Variants in USP25 observed in about 807,000 individuals in gnomAD.
The protein encoded by USP25 is ubiquitin carboxyl-terminal hydrolase 25.
Under a neutral mutation model 158.5 loss-of-function variants are expected in USP25, and 85 were observed. The observed-to-expected ratio is 0.54, with a 90% CI of 0.45 to 0.64. The LOEUF (loss-of-function observed/expected upper bound fraction) is 0.64, where lower values mean the gene tolerates loss of function less well. USP25 is among the 30% of genes least tolerant of loss of function. The pLI is 0.00. For missense variants in USP25, 1,242 were observed against 1,327.3 expected (o/e 0.94, Z 1.00); for synonymous variants, 464 against 460.4 (o/e 1.01, Z -0.10).
In USP25 at chr21:15,864,031, CTT is replaced by C. The variant is rs369749565; in HGVS notation, c.2548-216_2548-215del. 3.1e-3 allele frequency among the ~76,000 whole-genome samples: 265 copies of C among 85,608 alleles called. 1 individual carries two copies. The highest frequency in any genetic ancestry group is 9.2e-3 in the African/African-American group (226 of 24,438). The allele number at this position is 85,608 out of a possible 152,430, so 56.2% of individuals were successfully genotyped here. On this transcript the variant is annotated intron_variant, in intron 20 of 25. Coordinates refer to ENST00000400183, the MANE Select transcript of USP25 (RefSeq NM_001283041.3). ...CATCCTGGGGGAGAGTGGGAGACTT[CTT>C]TTTTTTTTTTTTTTTTTTTTAAAAG...
rs566061228 is a variant in USP25 at position 15,730,361 on chromosome 21, ACCGCCGCCG to A, written c.-16_-8del. The A allele has an allele frequency of 1.8e-4, 218 of 1,181,074 alleles. No individual in the cohort carries two copies. In the South Asian group the frequency reaches 1.9e-3, roughly 10 times the overall value. The allele number at this position is 1,181,074 out of a possible 1,614,324, so 73.2% of individuals were successfully genotyped here. ...GCGGAGGCGCGAGGAGCCGGGCGCC[ACCGCCGCCG>A]CCGCCGCCGCCGCCGCGGGGGCCAT... On this transcript the variant is annotated 5_prime_UTR_variant, in exon 1 of 26. Coordinates refer to ENST00000400183, the MANE Select transcript of USP25 (RefSeq NM_001283041.3).
At position 15,875,626 on chromosome 21, in the gene USP25, C is replaced by T. The variant is rs1383893807; in HGVS notation, c.3009+1100C>T. Reference sequence around the variant, plus strand: ...GAAGAACCTTAAGAGACAAGGTAAACCTCGTCTGGATCTTGATGGATAAAT... The same window carrying T: ...GAAGAACCTTAAGAGACAAGGTAAATCTCGTCTGGATCTTGATGGATAAAT... On this transcript the variant is annotated intron_variant, in intron 24 of 25. Transcript: ENST00000400183. This position sits in a 1 kb window ranked among gnomAD's most constrained non-coding sequence, Gnocchi z 4.7. 1.3e-5 allele frequency among the ~76,000 whole-genome samples: 2 copies of T among 152,086 alleles called. No individual in the cohort carries two copies.
intron 3 of USP25, among the ~76,000 whole-genome samples, chr21:15,777,487 G>C (rs2123498937): frequency 6.6e-6 from 1 of 152,242 alleles, no homozygotes; most frequent in South Asian, 2.1e-4. Flanking sequence ...ATTTGATAAT[G>C]TCTAGATGGT....
chr21:15,823,365 G>T (rs2037331883), intron 10 of USP25, among the ~76,000 whole-genome samples: 1 of 151,908 alleles, frequency 6.6e-6, no homozygotes, highest in African/African-American at 2.4e-5. Flanking sequence ...AGGGGCTGGG[G>T]GTAGGGGAAG....
intron 4 of USP25, among the ~76,000 whole-genome samples, chr21:15,788,785 C>G (rs2035435240): frequency 6.6e-6 from 1 of 152,010 alleles, no homozygotes; most frequent in Non-Finnish European, 1.5e-5. Context: ...AAAACCCATA[C>G]TTTTGTTAAC....
intron 20 of USP25, among the ~76,000 whole-genome samples, chr21:15,855,326 C>T (rs2039082816): frequency 6.6e-6 from 1 of 151,898 alleles, no homozygotes; most frequent in African/African-American, 2.4e-5. Context: ...TTTGAAATGT[C>T]TCTTAATCAC....
At chr21:15,868,165 A>T (rs1170526197) in intron 22 of USP25, among the ~76,000 whole-genome samples, 3 of 152,196 alleles carry the variant, frequency 2.0e-5, no homozygotes, top group African/African-American at 7.2e-5. Flanking sequence ...CAATTGTGAA[A>T]GACTCCTGTG....
At chr21:15,838,571 A>G (rs954053658) in intron 17 of USP25, among the ~76,000 whole-genome samples, 10 of 152,078 alleles carry the variant, frequency 6.6e-5, no homozygotes, top group Admixed American at 2.0e-4. Context: ...TCCACCAGCG[A>G]TTCTATGCAA....
rs557365054 is a variant in USP25, at chr21:15,762,715, T to G, written c.46-176T>G. Among the ~76,000 whole-genome samples the G allele has an allele frequency of 2.6e-5, 4 of 152,326 alleles. No individual in the cohort carries two copies. In the South Asian group the frequency reaches 8.3e-4, roughly 32 times the overall value. On this transcript the variant is annotated intron_variant, in intron 1 of 25. Transcript: ENST00000400183. Reference sequence around the variant, plus strand: ...TAAGGGTTCTCCACAGCATGATTCATTCTTTCTAAAAGAATGAAGTTGTTT... The same window carrying G: ...TAAGGGTTCTCCACAGCATGATTCAGTCTTTCTAAAAGAATGAAGTTGTTT...
chr21:15,818,078 C>T (rs2037038620), intron 9 of USP25, among the ~76,000 whole-genome samples: 1 of 152,126 alleles, frequency 6.6e-6, no homozygotes, highest in South Asian at 2.1e-4. Flanking sequence ...CTTCATCATG[C>T]TGTTCCATGG....
At position 15,770,066 on chromosome 21, in the gene USP25, A is replaced by T. The variant is rs369029730; in HGVS notation, c.268+3925A>T. Among the ~76,000 whole-genome samples the T allele has an allele frequency of 8.5e-5, 13 of 152,138 alleles. No homozygotes were observed. In the East Asian group the frequency reaches 2.5e-3, roughly 29 times the overall value. On this transcript the variant is annotated intron_variant, in intron 3 of 25. Coordinates refer to ENST00000400183, the MANE Select transcript of USP25 (RefSeq NM_001283041.3). ...CTATCCTAGAATTCTAGTTATGGCT[A>T]TCTTGCTTGGCCACAGTAATAGTGA...
At chr21:15,874,338 T>C in intron 23 of USP25, 65 bp from the exon 24 acceptor site, 2 of 1,390,766 alleles carry the variant, frequency 1.4e-6, no homozygotes, top group Non-Finnish European at 2.0e-6. Context: ...GTTTCATAAT[T>C]ATAGCTGACT....
intron 1 of USP25, among the ~76,000 whole-genome samples, chr21:15,734,299 T>C (rs2031270896): frequency 6.6e-6 from 1 of 152,220 alleles, no homozygotes; most frequent in Admixed American, 6.5e-5. Flanking sequence ...AAATAACATG[T>C]ATTTTCCAAT....
At chr21:15,761,386 T>G (rs1191349824) in intron 1 of USP25, among the ~76,000 whole-genome samples, 1 of 152,110 alleles carries the variant, frequency 6.6e-6, no homozygotes, top group African/African-American at 2.4e-5. Flanking sequence ...CTCTCTGAAA[T>G]AATAATTGGT....
chr21:15,771,626 C>T (rs1048638092), intron 3 of USP25, among the ~76,000 whole-genome samples: 2 of 151,956 alleles, frequency 1.3e-5, no homozygotes, highest in African/African-American at 2.4e-5. Context: ...TTCATATTTG[C>T]CTTTCTTTCT....
chr21:15,845,553 A>G (rs549305164), intron 18 of USP25, among the ~76,000 whole-genome samples: 10 of 152,174 alleles, frequency 6.6e-5, no homozygotes, highest in Non-Finnish European at 1.0e-4. Flanking sequence ...AAATTCTTCA[A>G]TAGTAACTGA....
intron 4 of USP25, among the ~76,000 whole-genome samples, chr21:15,790,664 T>C (rs2123607296): frequency 6.6e-6 from 1 of 151,440 alleles, no homozygotes; most frequent in East Asian, 1.9e-4. Context: ...TTTTTTTTTT[T>C]TTTGGCTGAA....
chr21:15,791,591 G>C lies in USP25; in HGVS notation c.482G>C (p.Arg161Thr), dbSNP rs368626229. Residue 161 changes from arginine (R) to threonine (T), a missense_variant, in exon 5 of 26, where the codon AGA (arginine) becomes ACA (threonine). Transcript: ENST00000400183. ...VWRDSRNPYD[R>T]KRQDKAPVGL... The stretch of plus-strand genomic sequence containing the variant: ...AGGGATTCTCGAAACCCTTATGATA[G>C]AAAAAGACAGGACAAAGCTCCCGTT... 1.6e-5 allele frequency: 26 copies of C among 1,611,744 alleles called. No homozygotes were observed. In the South Asian group the frequency reaches 1.9e-4, roughly 12 times the overall value.
intron 23 of USP25, among the ~76,000 whole-genome samples, chr21:15,872,589 CATAA>C (rs2039940758): frequency 6.6e-6 from 1 of 152,154 alleles, no homozygotes; most frequent in African/African-American, 2.4e-5. Context: ...CTTCGTTTTT[CATAA>C]ATAACATCTT....
Sources: gnomAD v4.1 joint callset for allele counts (sites outside exome capture counted in the v4.1 genomes callset) on GRCh38, gnomAD v4.1.1 for gene constraint, Gnocchi (gnomAD v3.1) non-coding constraint, MANE v1.5 for transcripts, NCBI Gene and HGNC (gene_info 2026-07-23, HGNC 2026-07-21) for gene names.